The following NKX6-1 variants were observed in gnomAD, a reference collection of about 807,000 sequenced individuals.
NKX6-1 encodes the protein homeobox protein Nkx-6.1.
In NKX6-1, 11 loss-of-function variants were observed where a neutral mutation model predicts 24.9. That is an observed-to-expected ratio of 0.44 (90% CI 0.28 to 0.73). NKX6-1 has a LOEUF of 0.73. Ranked by LOEUF, NKX6-1 falls within the 30% of genes least tolerant of loss-of-function variation. The probability of loss-of-function intolerance (pLI) is 0.15; values close to 1 mark genes in which losing one functional copy is unlikely to be tolerated. For synonymous variants in NKX6-1, 277 were observed against 242.9 expected (o/e 1.14, Z -1.31); for missense variants, 487 against 502.9 (o/e 0.97, Z 0.30).
intron 1 of NKX6-1, chr4:84,496,986 G>C (rs771857454): frequency 6.6e-6 from 1 of 152,518 alleles, no homozygotes; most frequent in Non-Finnish European, 1.5e-5. Flanking sequence ...GGCGGCGAGG[G>C]CGAAGAGGTG....
chr4:84,495,594 T>C, intron 2 of NKX6-1, 78 bp downstream of exon 2: 1 of 1,180,212 alleles, frequency 8.5e-7, no homozygotes, highest in South Asian at 1.4e-5. Context: ...GGTGTGTGTG[T>C]GTGTGTGTGT....
chr4:84,495,625 G>A (rs752209430), intron 2 of NKX6-1, 47 bp downstream of exon 2: 9 of 1,542,984 alleles, frequency 5.8e-6, no homozygotes, highest in South Asian at 2.3e-5. Context: ...GCACGCGCGC[G>A]CGACAGGGGC....
rs111718959 is a variant in NKX6-1, at chr4:84,495,798, C to T, written c.717G>A (p.Thr239=). Residue 239 remains threonine (T), a synonymous_variant, in exon 2 of 3, where the codon ACG becomes ACA. Transcript: ENST00000295886. ...TCTGCTGTCCGGAAAAAGTGGGTCT[C>T]GTGTGTTTTCTCTTCCCGTCTTTGT... The part of the protein sequence containing the change: ...LLDKDGKRKH[T]RPTFSGQQIF... 11 of 1,614,136 alleles carry T rather than the reference C, an allele frequency of 6.8e-6. No individual in the cohort carries two copies. Among genetic ancestry groups the T allele is most frequent in the Middle Eastern group, 3.3e-4 (2 of 6,052 alleles).
Position 84,493,734 on chromosome 4 carries a change from CCT to C in NKX6-1, c.844-187_844-186del, listed in dbSNP as rs1720771053. The stretch of plus-strand genomic sequence containing the variant: ...TCAGTCTCCGTCGCCCCAAGTTCCC[CCT>C]GAGTAACTGGCACCAACAAACTGAC... On this transcript the variant is annotated intron_variant, in intron 2 of 2. Transcript: ENST00000295886. The surrounding 1 kb of genome is among the most constrained non-coding windows in gnomAD (Gnocchi z 5.1). Among the ~76,000 whole-genome samples the C allele has an allele frequency of 6.6e-6, 1 of 152,200 alleles. No homozygotes were observed. The highest frequency in any genetic ancestry group is 3.2e-3 in the Middle Eastern group (1 of 316).
In NKX6-1 at chr4:84,497,939, C is replaced by A; in HGVS notation, c.290G>T (p.Gly97Val). Residue 97 changes from glycine to valine, a missense_variant, in exon 1 of 3, where the codon GGC (glycine) becomes GTC (valine). This residue lies in a region of NKX6-1 where 316 missense variants were observed against 311.4 expected (regional missense o/e 1.01). Coordinates refer to ENST00000295886, the MANE Select transcript of NKX6-1 (RefSeq NM_006168.3). The surrounding 1 kb of genome is among the most constrained non-coding windows in gnomAD (Gnocchi z 4.8). ...GGGCCGGCTCAGGATATCGTTGATG[C>A]CGTGTGGGGTGGCGGCCGAGAGCTG... ...PQQLSAATPHGINDILSRPSM... is the reference protein window; with the variant it reads ...PQQLSAATPHVINDILSRPSM... The A allele has an allele frequency of 7.7e-7, 1 of 1,299,884 alleles. No individual in the cohort carries two copies. The highest frequency in any genetic ancestry group is 3.2e-5 in the South Asian group (1 of 30,990). The allele number at this position is 1,299,884 out of a possible 1,614,324, so 80.5% of individuals were successfully genotyped here. A position where few individuals can be genotyped will look rare whatever the true frequency, so the allele number is the denominator to read the frequency against.
In NKX6-1 at chr4:84,493,197, A is replaced by G; in HGVS notation, c.*92T>C. ...GGGCCGGGTCCTCCGGGCCCCGAGG[A>G]GCGGGCAGGCGCGGCGTGCACGCGG... On this transcript the variant is annotated 3_prime_UTR_variant, in exon 3 of 3. Transcript: ENST00000295886. This position sits in a 1 kb window ranked among gnomAD's most constrained non-coding sequence, Gnocchi z 5.1. 8.2e-7 allele frequency: 1 copy of G among 1,220,200 alleles called. No individual in the cohort carries two copies. The highest frequency in any genetic ancestry group is 1.1e-6 in the Non-Finnish European group (1 of 946,086). The allele number at this position is 1,220,200 out of a possible 1,614,324, so 75.6% of individuals were successfully genotyped here. A position where few individuals can be genotyped will look rare whatever the true frequency, so the allele number is the denominator to read the frequency against.
rs556420360 is a variant in NKX6-1, at chr4:84,498,255, C to T, written c.-27G>A. On this transcript the variant is annotated 5_prime_UTR_variant, in exon 1 of 3. Coordinates refer to ENST00000295886, the MANE Select transcript of NKX6-1 (RefSeq NM_006168.3). ...CCACGGCCACGCCGGAGACCGTAGC[C>T]TTGCAGCGAGGGCGCTGGCTGGTGC... 1.5e-6 allele frequency: 2 copies of T among 1,292,344 alleles called. No homozygotes were observed. The highest frequency in any genetic ancestry group is 6.5e-5 in the South Asian group (2 of 30,758). The allele number at this position is 1,292,344 out of a possible 1,614,324, so 80.1% of individuals were successfully genotyped here.
In NKX6-1 at chr4:84,498,876, G is replaced by C. The variant is rs574749247; in HGVS notation, c.-648C>G. 5.6e-4 allele frequency among the ~76,000 whole-genome samples: 85 copies of C among 152,358 alleles called. 3 individuals carry two copies. The South Asian group carries it at 0.016, about 29-fold the overall frequency. On this transcript the variant is annotated 5_prime_UTR_variant, in exon 1 of 3. Coordinates refer to ENST00000295886, the MANE Select transcript of NKX6-1 (RefSeq NM_006168.3). ...TCCGCCCACGCTGCCCCGGGCTGCT[G>C]CGCCAGAAAGGGCAGTGCCACGGAT...
In NKX6-1 at chr4:84,497,522, G is replaced by C. The variant is rs1720844023; in HGVS notation, c.670+37C>G. The stretch of plus-strand genomic sequence containing the variant: ...ACCCGGGAGTGGGCAGAACAGGCAC[G>C]GCAGGCAGGCATCGGGGCGCGGGTG... On this transcript the variant is annotated intron_variant, in intron 1 of 2. Transcript: ENST00000295886. This position sits in a 1 kb window ranked among gnomAD's most constrained non-coding sequence, Gnocchi z 4.8. 8.0e-7 allele frequency: 1 copy of C among 1,253,244 alleles called. No individual in the cohort carries two copies. Among genetic ancestry groups the C allele is most frequent in the Non-Finnish European group, 1.0e-6 (1 of 991,268 alleles). 77.6% of individuals were successfully genotyped at this position (1,253,244 alleles called of 1,614,324 possible).
chr4:84,499,171 G>T lies in NKX6-1; in HGVS notation c.-943C>A, dbSNP rs75271251. On this transcript the variant is annotated 5_prime_UTR_variant, in exon 1 of 3. Transcript: ENST00000295886. ...TGGCATTTTCTTCGCGGCTTCCCAG[G>T]CTTCGGTCTTCTAAGTCCTGTCCTC... is the stretch of plus-strand genomic sequence containing the variant. Among the ~76,000 whole-genome samples the T allele has an allele frequency of 3.3e-5, 5 of 152,210 alleles. No individual in the cohort carries two copies. In the East Asian group the frequency reaches 9.7e-4, roughly 30 times the overall value.
In NKX6-1 at chr4:84,493,348, T is replaced by C; in HGVS notation, c.1045A>G (p.Ser349Gly). ...ITQLLKKHKS[S>G]SGGGGGLLLH... Reference sequence around the variant, plus strand: ...AGGAGGCCGCCGCCGCCGCCGCTGCTGGACTTGTGCTTCTTCAACAGCTGC... The same window carrying C: ...AGGAGGCCGCCGCCGCCGCCGCTGCCGGACTTGTGCTTCTTCAACAGCTGC... The change falls in exon 3 of 3, where the codon AGC becomes GGC. Residue 349 changes from serine to glycine, a missense_variant. By Grantham distance (56) the Ser-to-Gly change is moderately conservative. Transcript: ENST00000295886. This position sits in a 1 kb window ranked among gnomAD's most constrained non-coding sequence, Gnocchi z 5.1. 1 of 1,613,686 alleles carries C rather than the reference T, an allele frequency of 6.2e-7. No individual in the cohort carries two copies. The highest frequency in any genetic ancestry group is 8.5e-7 in the Non-Finnish European group (1 of 1,179,962).
At position 84,497,769 on chromosome 4, in the gene NKX6-1, C is replaced by G; in HGVS notation, c.460G>C (p.Ala154Pro). Residue 154 changes from alanine to proline, a missense_variant, in exon 1 of 3, where the codon GCG becomes CCG. By Grantham distance (27) the Ala-to-Pro change is conservative. This residue lies in a region of NKX6-1 where 316 missense variants were observed against 311.4 expected (regional missense o/e 1.01). Transcript: ENST00000295886. The surrounding 1 kb of genome is among the most constrained non-coding windows in gnomAD (Gnocchi z 4.8). ...AAAAAAASSP[A>P]GLLAGLPRFS... ...CGTGGCAGTCCGGCCAGCAGCCCCG[C>G]CGGGGATGAGGCGGCGGCTGCGGCC... 7.8e-7 allele frequency: 1 copy of G among 1,276,468 alleles called. No homozygotes were observed. Among genetic ancestry groups the G allele is most frequent in the East Asian group, 3.1e-5 (1 of 32,040 alleles). The allele number at this position is 1,276,468 out of a possible 1,614,324, so 79.1% of individuals were successfully genotyped here. A position where few individuals can be genotyped will look rare whatever the true frequency, so the allele number is the denominator to read the frequency against.
Position 84,493,641 on chromosome 4 carries a change from G to T in NKX6-1, c.844-92C>A. On this transcript the variant is annotated intron_variant, in intron 2 of 2. Coordinates refer to ENST00000295886, the MANE Select transcript of NKX6-1 (RefSeq NM_006168.3). The surrounding 1 kb of genome is among the most constrained non-coding windows in gnomAD (Gnocchi z 5.1). ...ATGCTACCACTCCCGCATCTCGATGGCCCTCCCGCGGCCCCCCGAAGGCCT... is the reference window on the plus strand; with the variant it reads ...ATGCTACCACTCCCGCATCTCGATGTCCCTCCCGCGGCCCCCCGAAGGCCT... 6.7e-7 allele frequency: 1 copy of T among 1,486,354 alleles called. No individual in the cohort carries two copies. The highest frequency in any genetic ancestry group is 2.3e-5 in the East Asian group (1 of 43,406). 92.1% of individuals were successfully genotyped at this position (1,486,354 alleles called of 1,614,324 possible). A position where few individuals can be genotyped will look rare whatever the true frequency, so the allele number is the denominator to read the frequency against.
chr4:84,493,452 T>A lies in NKX6-1; in HGVS notation c.941A>T (p.Lys314Met), dbSNP rs1720765131. ...KKQDSETERL[K>M]GASENEEEDD... Reference sequence around the variant, plus strand: ...CTCTTCCTCGTTCTCCGAGGCCCCCTTGAGGCGCTCTGTCTCCGAGTCCTG... The same window carrying A: ...CTCTTCCTCGTTCTCCGAGGCCCCCATGAGGCGCTCTGTCTCCGAGTCCTG... The change falls in exon 3 of 3, where the codon AAG becomes ATG. Residue 314 changes from lysine (K) to methionine (M), a missense_variant. Lys to Met is a moderately conservative substitution (Grantham distance 95). Around this residue, in one of 3 missense-constraint regions of NKX6-1, gnomAD observed 126 missense variants for 105.5 expected, o/e 1.19. Transcript: ENST00000295886. The surrounding 1 kb of genome is among the most constrained non-coding windows in gnomAD (Gnocchi z 5.1). The A allele has an allele frequency of 6.2e-7, 1 of 1,614,248 alleles. No individual in the cohort carries two copies. The highest frequency in any genetic ancestry group is 8.5e-7 in the Non-Finnish European group (1 of 1,180,046).
In NKX6-1 at chr4:84,493,699, G is replaced by A. The variant is rs1469136109; in HGVS notation, c.844-150C>T. Reference sequence around the variant, plus strand: ...TCCCTCGCAGCCCTCCCTTTTCTCGGCCGTCAAAGTCAGTCTCCGTCGCCC... The same window carrying A: ...TCCCTCGCAGCCCTCCCTTTTCTCGACCGTCAAAGTCAGTCTCCGTCGCCC... On this transcript the variant is annotated intron_variant, in intron 2 of 2. Transcript: ENST00000295886. The surrounding 1 kb of genome is among the most constrained non-coding windows in gnomAD (Gnocchi z 5.1). The A allele has an allele frequency of 3.9e-5, 39 of 1,010,856 alleles. No individual in the cohort carries two copies. The highest frequency in any genetic ancestry group is 5.1e-5 in the Non-Finnish European group (36 of 709,596). 62.6% of individuals were successfully genotyped at this position (1,010,856 alleles called of 1,614,324 possible).
In NKX6-1 at chr4:84,498,256, T is replaced by A; in HGVS notation, c.-28A>T. On this transcript the variant is annotated 5_prime_UTR_variant, in exon 1 of 3. In the 5' UTR this introduces an upstream ATG that the reference lacks. Transcript: ENST00000295886. ...CACGGCCACGCCGGAGACCGTAGCC[T>A]TGCAGCGAGGGCGCTGGCTGGTGCC... The A allele has an allele frequency of 7.7e-7, 1 of 1,292,066 alleles. No individual in the cohort carries two copies. 80.0% of individuals were successfully genotyped at this position (1,292,066 alleles called of 1,614,324 possible).
chr4:84,499,029 T>A lies in NKX6-1; in HGVS notation c.-801A>T, dbSNP rs1457259054. Among the ~76,000 whole-genome samples the A allele has an allele frequency of 6.6e-6, 1 of 152,202 alleles. No homozygotes were observed. Among genetic ancestry groups the A allele is most frequent in the Non-Finnish European group, 1.5e-5 (1 of 68,040 alleles). On this transcript the variant is annotated 5_prime_UTR_variant, in exon 1 of 3. Transcript: ENST00000295886. The stretch of plus-strand genomic sequence containing the variant: ...AAAACAAAAGACTAAGTGTGAAAAG[T>A]CTGACGGCTGGGTTTCGGCGCCGCT...
chr4:84,495,654 T>C lies in NKX6-1; in HGVS notation c.843+18A>G. 1 of 1,608,760 alleles carries C rather than the reference T, an allele frequency of 6.2e-7. No individual in the cohort carries two copies. Among genetic ancestry groups the C allele is most frequent in the South Asian group, 1.1e-5 (1 of 90,872 alleles). On this transcript the variant is annotated intron_variant, in intron 2 of 2. Coordinates refer to ENST00000295886, the MANE Select transcript of NKX6-1 (RefSeq NM_006168.3). ...CAGGGGCGGTACCTATCCCTCCAGG[T>C]ATGCAAGGTCCACTCACCTTGACCT...
rs1474694909 is a variant in NKX6-1 at position 84,493,965 on chromosome 4, CTTAAA to C, written c.844-421_844-417del. 6.6e-6 allele frequency among the ~76,000 whole-genome samples: 1 copy of C among 152,154 alleles called. No individual in the cohort carries two copies. Among genetic ancestry groups the C allele is most frequent in the African/African-American group, 2.4e-5 (1 of 41,430 alleles). On this transcript the variant is annotated intron_variant, in intron 2 of 2. Transcript: ENST00000295886. This position sits in a 1 kb window ranked among gnomAD's most constrained non-coding sequence, Gnocchi z 5.1. ...TGTGATTTTATTCCTTATTTACTTTCTTAAATTAAGAAATTTCAAACAACCTGACA... is the reference window on the plus strand; with the variant it reads ...TGTGATTTTATTCCTTATTTACTTTCTTAAGAAATTTCAAACAACCTGACA...
Sources: allele counts gnomAD v4.1 joint callset (sites outside exome capture counted in the v4.1 genomes callset), GRCh38; gene constraint gnomAD v4.1.1; regional missense constraint gnomAD v4.1.1; non-coding constraint Gnocchi (gnomAD v3.1); transcripts MANE v1.5; gene names NCBI Gene and HGNC (gene_info 2026-07-23, HGNC 2026-07-21).